Variants in SEC63 observed in about 807,000 individuals in gnomAD.
The protein encoded by SEC63 is SEC63 protein translocation regulator.
SEC63 carries 56 observed loss-of-function variants against 116.2 expected under a neutral mutation model. The observed-to-expected ratio is 0.48, with a 90% confidence interval of 0.39 to 0.60. SEC63 has a LOEUF of 0.60. SEC63 is among the 20% of genes least tolerant of loss of function. The pLI is 0.00. For missense variants in SEC63, 668 were observed against 900.0 expected, an observed-to-expected ratio of 0.74 and a Z score of 3.30; for synonymous variants, 273 against 294.6, an observed-to-expected ratio of 0.93 and a Z score of 0.75.
At position 107,867,810 on chromosome 6, in the gene SEC63, T is replaced by C. The variant is rs566002908; in HGVS notation, c.*3894A>G. ...ATAATAGAAGTGTACAATTGTACAA[T>C]ATATTATGTACATTATAAAACACAC... On this transcript the variant is annotated 3_prime_UTR_variant, in exon 21 of 21. Transcript: ENST00000369002. 3 of 152,106 alleles carry C rather than the reference T, an allele frequency of 2.0e-5. No individual in the cohort carries two copies. Among genetic ancestry groups the C allele is most frequent in the Non-Finnish European group, 4.4e-5 (3 of 67,994 alleles). The allele number at this position is 152,106 out of a possible 1,614,324, so 9.4% of individuals were successfully genotyped here. A position where few individuals can be genotyped will look rare whatever the true frequency, so the allele number is the denominator to read the frequency against.
intron 18 of SEC63, chr6:107,876,966 T>C (rs945463773): frequency 7.9e-5 from 25 of 316,200 alleles, no homozygotes; most frequent in African/African-American, 5.3e-4. Flanking sequence ...ATTCTAAATA[T>C]ATACAACTAT....
intron 19 of SEC63, among the ~76,000 whole-genome samples, chr6:107,874,545 G>A (rs1248274391): frequency 2.9e-5 from 4 of 139,988 alleles, no homozygotes; most frequent in South Asian, 2.3e-4. Context: ...GCAGTGAGCC[G>A]AGATCATGCC....
intron 4 of SEC63, 133 bp downstream of exon 4, chr6:107,921,664 A>ATGGTT (rs1425791102): frequency 1.4e-6 from 1 of 709,466 alleles, no homozygotes; most frequent in African/African-American, 1.8e-5. Flanking sequence ...GTTGCCAGGG[A>ATGGTT]TGGTCTCAAA....
chr6:107,955,919 A>G (rs1770701809), intron 1 of SEC63: 1 of 314,216 alleles, frequency 3.2e-6, no homozygotes, highest in South Asian at 2.5e-5. Flanking sequence ...AATAAATAGT[A>G]TGATTCTTCT....
At chr6:107,937,472 G>T (rs996568022) in intron 1 of SEC63, among the ~76,000 whole-genome samples, 1 of 152,154 alleles carries the variant, frequency 6.6e-6, no homozygotes, top group Non-Finnish European at 1.5e-5. Flanking sequence ...ACCTGGGTTG[G>T]TACCATGTCT....
rs758487924 is a variant in SEC63 at position 107,893,569 on chromosome 6, C to CT, written c.1586dup (p.Lys530GlufsTer30). The CT allele has an allele frequency of 2.8e-5, 45 of 1,580,752 alleles. No homozygotes were observed. Among genetic ancestry groups the CT allele is most frequent in the Admixed American group, 1.1e-4 (6 of 54,866 alleles). On this transcript the variant is annotated frameshift_variant, in exon 16 of 21. Transcript: ENST00000369002. LOFTEE classifies it high-confidence loss of function. Reference sequence around the variant, plus strand: ...GTGTAGGTTTTTTTTTTAAAGGTTTCTTTTTTTTTGATTTAGCAGTTTTCT... The same window carrying CT: ...GTGTAGGTTTTTTTTTTAAAGGTTTCTTTTTTTTTTGATTTAGCAGTTTTCT...
At chr6:107,891,652 A>G (rs1378261718) in intron 16 of SEC63, among the ~76,000 whole-genome samples, 1 of 151,942 alleles carries the variant, frequency 6.6e-6, no homozygotes, top group Non-Finnish European at 1.5e-5. Context: ...TGGTTTTTGG[A>G]ATTTTCAGCC....
At chr6:107,871,908 T>C (rs1243246424) in intron 20 of SEC63, 61 bp from the exon 21 acceptor site, 39 of 1,573,550 alleles carry the variant, frequency 2.5e-5, no homozygotes, top group Middle Eastern at 1.7e-4. Context: ...GAAGAAATCT[T>C]GGTAAACAAA....
chr6:107,878,028 G>A (rs1786320877), intron 18 of SEC63, among the ~76,000 whole-genome samples: 1 of 152,196 alleles, frequency 6.6e-6, no homozygotes, highest in Non-Finnish European at 1.5e-5. Flanking sequence ...ATACATAACA[G>A]CCTCAAAGTG....
intron 1 of SEC63, among the ~76,000 whole-genome samples, chr6:107,939,162 A>T (rs1016714667): frequency 6.6e-6 from 1 of 152,158 alleles, no homozygotes; most frequent in Non-Finnish European, 1.5e-5. Context: ...ACACACCTAC[A>T]GTCCCAGGTA....
chr6:107,904,539 C>CT, intron 11 of SEC63, 90 bp downstream of exon 11: 1 of 970,092 alleles, frequency 1.0e-6, no homozygotes, highest in South Asian at 1.3e-5. Context: ...CGACAGAAGT[C>CT]TGAGTACCCA....
chr6:107,893,924 A>G, intron 14 of SEC63, 27 bp from the exon 15 acceptor site: 1 of 1,609,098 alleles, frequency 6.2e-7, no homozygotes, highest in Non-Finnish European at 8.5e-7. Context: ...AGAGAAATAC[A>G]AAATCTGTCA....
rs1186396297 is a variant in SEC63 at position 107,958,162 on chromosome 6, G to T, written c.-153C>A. On this transcript the variant is annotated 5_prime_UTR_variant, in exon 1 of 21. Coordinates refer to ENST00000369002, the MANE Select transcript of SEC63 (RefSeq NM_007214.5). The stretch of plus-strand genomic sequence containing the variant: ...CCCACGCCACTCTCACGGACACGCC[G>T]CCGCCACCTCTGCCGCTGCCGCCGC... 2.5e-6 allele frequency: 3 copies of T among 1,206,838 alleles called. No individual in the cohort carries two copies. The highest frequency in any genetic ancestry group is 2.6e-5 in the South Asian group (2 of 75,732). The allele number at this position is 1,206,838 out of a possible 1,614,324, so 74.8% of individuals were successfully genotyped here.
rs579120 is a variant in SEC63 at position 107,873,037 on chromosome 6, T to C, written c.2035-125A>G. The stretch of plus-strand genomic sequence containing the variant: ...CTGCAGATGATACAGAAAGTCCTAA[T>C]AAATGTTACTAAAGTCCTTATAAAC... On this transcript the variant is annotated intron_variant, in intron 19 of 20. Transcript: ENST00000369002. The C allele has an allele frequency of 0.97, 676,765 of 698,186 alleles. 328,296 individuals are homozygous for C. The highest frequency in any genetic ancestry group is 1 in the African/African-American group (55,892 of 56,172). 43.2% of individuals were successfully genotyped at this position (698,186 alleles called of 1,614,324 possible).
chr6:107,890,499 G>A (rs893858179), intron 16 of SEC63, among the ~76,000 whole-genome samples: 7 of 151,998 alleles, frequency 4.6e-5, no homozygotes, highest in African/African-American at 1.2e-4. Context: ...TACAGTATAC[G>A]GATGGGTCTT....
chr6:107,937,171 G>T (rs1770267705), intron 1 of SEC63, among the ~76,000 whole-genome samples: 1 of 144,058 alleles, frequency 6.9e-6, no homozygotes. Context: ...TGCCCAGGCT[G>T]GAGTGCAATG....
intron 11 of SEC63, among the ~76,000 whole-genome samples, chr6:107,904,125 A>G (rs1252216809): frequency 6.7e-6 from 1 of 149,650 alleles, no homozygotes; most frequent in African/African-American, 2.5e-5. Flanking sequence ...CTCCAAAAAA[A>G]AAAAAAACAA....
chr6:107,891,633 G>C (rs1260960146), intron 16 of SEC63, among the ~76,000 whole-genome samples: 1 of 152,096 alleles, frequency 6.6e-6, no homozygotes, highest in Non-Finnish European at 1.5e-5. Context: ...CTTTGGAGAA[G>C]AGGCATTCTG....
intron 16 of SEC63, among the ~76,000 whole-genome samples, chr6:107,885,709 A>C (rs1583727610): frequency 6.6e-6 from 1 of 152,324 alleles, no homozygotes; most frequent in East Asian, 1.9e-4. Context: ...TTTGATCAGT[A>C]AAATAAAGAG....
Sources: gnomAD v4.1 joint callset for allele counts (sites outside exome capture counted in the v4.1 genomes callset) on GRCh38, gnomAD v4.1.1 for gene constraint, MANE v1.5 for transcripts, NCBI Gene and HGNC (gene_info 2026-07-23, HGNC 2026-07-21) for gene names.